Variants in MARCHF7 observed in about 807,000 individuals in gnomAD.
MARCHF7 encodes membrane associated ring-CH-type finger 7.
A neutral mutation model predicts 76.5 loss-of-function variants in MARCHF7; 20 were observed. The ratio of observed to expected loss-of-function variants is 0.26; its 90% CI spans 0.18 to 0.38. The LOEUF is 0.38. Ranked by LOEUF, MARCHF7 falls within the 10% of genes least tolerant of loss-of-function variation. The pLI, the probability that MARCHF7 is intolerant of heterozygous loss-of-function variation, is 1.00. For synonymous variants in MARCHF7, 295 were observed against 293.0 expected, an observed-to-expected ratio of 1.01 and a Z score of -0.07; for missense variants, 797 against 812.9, an observed-to-expected ratio of 0.98 and a Z score of 0.24.
chr2:159,730,603 T>G (rs978514724), intron 4 of MARCHF7, among the ~76,000 whole-genome samples: 4 of 152,238 alleles, frequency 2.6e-5, no homozygotes, highest in African/African-American at 9.6e-5. Context: ...CAATTGATAC[T>G]GTACATTTTC....
chr2:159,756,964 C>T (rs913889853), intron 8 of MARCHF7, among the ~76,000 whole-genome samples: 3 of 152,152 alleles, frequency 2.0e-5, no homozygotes, highest in Non-Finnish European at 4.4e-5. Context: ...ACAATCTCAG[C>T]TTACTGCAAC....
chr2:159,764,619 T>A lies in MARCHF7; in HGVS notation c.2008-7T>A. The A allele has an allele frequency of 6.3e-7, 1 of 1,592,386 alleles. No individual in the cohort carries two copies. The highest frequency in any genetic ancestry group is 8.6e-7 in the Non-Finnish European group (1 of 1,168,782). On this transcript the variant is annotated splice_region_variant and splice_polypyrimidine_tract_variant and intron_variant, in intron 10 of 11. Coordinates refer to ENST00000409175, the MANE Select transcript of MARCHF7 (RefSeq NM_001282805.2). Reference sequence around the variant, plus strand: ...AACTACTGTATTTCTTTCTGCATTGTTTCTAGTTTATTAACCTTGCAAGAA... The same window carrying A: ...AACTACTGTATTTCTTTCTGCATTGATTCTAGTTTATTAACCTTGCAAGAA...
chr2:159,752,809 G>A (rs182256884), intron 8 of MARCHF7, among the ~76,000 whole-genome samples: 2 of 152,282 alleles, frequency 1.3e-5, no homozygotes, highest in East Asian at 1.9e-4. Context: ...TAATACAGCT[G>A]TAATTTGTGA....
At chr2:159,754,175 G>T (rs1706010208) in intron 8 of MARCHF7, among the ~76,000 whole-genome samples, 2 of 152,154 alleles carry the variant, frequency 1.3e-5, no homozygotes, top group Non-Finnish European at 2.9e-5. Flanking sequence ...GCTAGAGGAA[G>T]AGCAGATATC....
intron 4 of MARCHF7, among the ~76,000 whole-genome samples, chr2:159,741,162 C>T (rs1704073773): frequency 6.6e-6 from 1 of 151,960 alleles, no homozygotes; most frequent in South Asian, 2.1e-4. Context: ...TTGTTTGAGC[C>T]CAGGAATTCA....
chr2:159,726,203 A>G (rs1355959328), intron 3 of MARCHF7, among the ~76,000 whole-genome samples: 4 of 151,844 alleles, frequency 2.6e-5, no homozygotes, highest in Non-Finnish European at 4.4e-5. Flanking sequence ...AAGCTCTACT[A>G]CTGCTCCAGA....
chr2:159,744,834 G>T (rs1467331088), intron 5 of MARCHF7, among the ~76,000 whole-genome samples: 2 of 152,214 alleles, frequency 1.3e-5, no homozygotes, highest in Non-Finnish European at 2.9e-5. Context: ...AGGCTACTAA[G>T]ATTAGGGAAG....
At position 159,748,577 on chromosome 2, in the gene MARCHF7, T is replaced by A; in HGVS notation, c.1287T>A (p.Asn429Lys). ...SRSHIFRRES[N>K]EVVHLEAQND... ...CTCATATTTTTAGAAGAGAATCAAA[T>A]GAAGTGGTTCACCTTGAAGCACAGA... The change falls in exon 7 of 12, where the codon AAT becomes AAA. Residue 429 changes from asparagine to lysine, a missense_variant. Transcript: ENST00000409175. 6.2e-7 allele frequency: 1 copy of A among 1,614,176 alleles called. No individual in the cohort carries two copies. Among genetic ancestry groups the A allele is most frequent in the Non-Finnish European group, 8.5e-7 (1 of 1,180,030 alleles).
intron 4 of MARCHF7, among the ~76,000 whole-genome samples, chr2:159,737,589 A>T (rs1264196383): frequency 6.6e-6 from 1 of 152,120 alleles, no homozygotes; most frequent in Non-Finnish European, 1.5e-5. Context: ...GGAATTTGAG[A>T]CCTGTGCAAC....
chr2:159,753,991 C>T (rs1705987411), intron 8 of MARCHF7, among the ~76,000 whole-genome samples: 1 of 152,164 alleles, frequency 6.6e-6, no homozygotes, highest in South Asian at 2.1e-4. Context: ...GAAAAGGGAA[C>T]CAAGTGTTCT....
intron 8 of MARCHF7, among the ~76,000 whole-genome samples, chr2:159,757,426 A>G (rs1706466536): frequency 6.6e-6 from 1 of 152,196 alleles, no homozygotes; most frequent in Non-Finnish European, 1.5e-5. Context: ...AAAGATGAAT[A>G]AAATAAGTCT....
intron 8 of MARCHF7, among the ~76,000 whole-genome samples, chr2:159,754,250 G>A (rs1007682242): frequency 6.6e-6 from 1 of 152,148 alleles, no homozygotes; most frequent in Non-Finnish European, 1.5e-5. Context: ...GAGGAGATTT[G>A]AAAAAGCAGC....
intron 6 of MARCHF7, 59 bp downstream of exon 6, chr2:159,745,996 A>T: frequency 1.4e-6 from 2 of 1,393,946 alleles, no homozygotes; most frequent in African/African-American, 2.9e-5. Context: ...CTCTTTATGC[A>T]TGTTACTAAA....
chr2:159,734,155 G>T (rs1218785020), intron 4 of MARCHF7: 6 of 1,081,594 alleles, frequency 5.5e-6, no homozygotes, highest in Non-Finnish European at 7.2e-6. Context: ...GTTATTTGTG[G>T]ATATGTAATT....
chr2:159,732,996 C>A, intron 4 of MARCHF7: 1 of 866,546 alleles, frequency 1.2e-6, no homozygotes, highest in Non-Finnish European at 1.4e-6. Flanking sequence ...GGAACAGTGC[C>A]TAGAACATAG....
chr2:159,750,956 G>A (rs1022866024), intron 7 of MARCHF7, among the ~76,000 whole-genome samples: 1 of 152,138 alleles, frequency 6.6e-6, no homozygotes, highest in Non-Finnish European at 1.5e-5. Flanking sequence ...TGGGCATTGG[G>A]CTACCATACT....
rs547071187 is a variant in MARCHF7 at position 159,716,896 on chromosome 2, A to G, written c.-15+1130A>G. 2.6e-5 allele frequency among the ~76,000 whole-genome samples: 4 copies of G among 152,294 alleles called. No homozygotes were observed. The East Asian group carries it at 5.8e-4, about 22-fold the overall frequency. On this transcript the variant is annotated intron_variant, in intron 3 of 11. Transcript: ENST00000409175. The stretch of plus-strand genomic sequence containing the variant: ...TCTTTGTTCTATGGCTGCATAACAA[A>G]CCACCTCGGGACCTAGTGGATTAAA...
At chr2:159,729,241 G>A (rs1702501133) in intron 4 of MARCHF7, 66 bp downstream of exon 4, 2 of 1,169,616 alleles carry the variant, frequency 1.7e-6, no homozygotes, top group African/African-American at 1.6e-5. Flanking sequence ...ACTCTTTTGG[G>A]GGTATTTAAA....
chr2:159,749,490 G>A (rs1574375713), intron 7 of MARCHF7, among the ~76,000 whole-genome samples: 1 of 151,986 alleles, frequency 6.6e-6, no homozygotes, highest in East Asian at 1.9e-4. Flanking sequence ...TGGGATTACA[G>A]GCGCCTGCCA....
Sources: gnomAD v4.1 joint callset for allele counts (sites outside exome capture counted in the v4.1 genomes callset) on GRCh38, gnomAD v4.1.1 for gene constraint, MANE v1.5 for transcripts, NCBI Gene and HGNC (gene_info 2026-07-23, HGNC 2026-07-21) for gene names.